GPC6: variants seen among roughly 807,000 people sequenced by gnomAD.
GPC6 encodes glypican 6, also known as glypican-6.
GPC6 carries 14 observed loss-of-function variants against 55.2 expected under a neutral mutation model. The ratio of observed to expected loss-of-function variants is 0.25; its 90% CI spans 0.17 to 0.40. The LOEUF (loss-of-function observed/expected upper bound fraction) is 0.40. Ranked by LOEUF, GPC6 falls within the 10% of genes least tolerant of loss-of-function variation. The probability of loss-of-function intolerance (pLI) is 1.00; values close to 1 mark genes in which losing one functional copy is unlikely to be tolerated. For synonymous variants in GPC6, 278 were observed against 259.6 expected, an observed-to-expected ratio of 1.07 and a Z score of -0.68; for missense variants, 641 against 708.5, an observed-to-expected ratio of 0.90 and a Z score of 1.08.
intron 2 of GPC6, among the ~76,000 whole-genome samples, chr13:93,752,972 C>T (rs16949187): frequency 1.3e-5 from 2 of 152,172 alleles, no homozygotes; most frequent in African/African-American, 2.4e-5. Flanking sequence ...TCCTTTCTTT[C>T]ATTCTCAGTC....
chr13:93,985,715 T>TAAAAAAAAAAAAAAAAAA (rs1157375754), intron 3 of GPC6, among the ~76,000 whole-genome samples: 1 of 126,240 alleles, frequency 7.9e-6, no homozygotes. Flanking sequence ...AAAAAAAAAT[T>TAAAAAAAAAAAAAAAAAA]AAAAAACGGA....
chr13:93,463,993 A>G (rs1035221364), intron 1 of GPC6, among the ~76,000 whole-genome samples: 1 of 143,662 alleles, frequency 7.0e-6, no homozygotes, highest in African/African-American at 2.5e-5. Context: ...CAAAATAATT[A>G]AGTCACACAA....
intron 4 of GPC6, among the ~76,000 whole-genome samples, chr13:94,255,588 T>A (rs1162771204): frequency 6.6e-6 from 1 of 152,130 alleles, no homozygotes; most frequent in Non-Finnish European, 1.5e-5. Context: ...TTTTTCTATC[T>A]AAGGGACATG....
intron 2 of GPC6, 145 bp downstream of exon 2, chr13:93,545,566 A>C: frequency 2.6e-6 from 2 of 755,932 alleles, no homozygotes; most frequent in South Asian, 3.2e-5. Context: ...TAGAAAAAGC[A>C]TGAGTTTTCT....
intron 1 of GPC6, among the ~76,000 whole-genome samples, chr13:93,346,284 G>C (rs1491002552): frequency 1.3e-5 from 2 of 152,168 alleles, no homozygotes; most frequent in Non-Finnish European, 2.9e-5. Context: ...TAGGCAAGTA[G>C]TGCAGTAAAG....
chr13:93,792,314 G>A (rs1402801492), intron 2 of GPC6, among the ~76,000 whole-genome samples: 2 of 152,046 alleles, frequency 1.3e-5, no homozygotes, highest in African/African-American at 4.8e-5. Flanking sequence ...GGTCTATAGG[G>A]TTTTTTTCTT....
At chr13:93,918,288 A>C (rs1877393785) in intron 3 of GPC6, among the ~76,000 whole-genome samples, 1 of 152,138 alleles carries the variant, frequency 6.6e-6, no homozygotes, top group Admixed American at 6.5e-5. Context: ...TAAAGGACTT[A>C]AGATTACCCT....
At chr13:93,917,745 A>G (rs1217161602) in intron 3 of GPC6, among the ~76,000 whole-genome samples, 1 of 152,174 alleles carries the variant, frequency 6.6e-6, no homozygotes, top group Non-Finnish European at 1.5e-5. Context: ...CCACATGAGA[A>G]CCCTGGGACA....
At chr13:93,943,052 T>C (rs11619935) in intron 3 of GPC6, among the ~76,000 whole-genome samples, 55,334 of 151,888 alleles carry the variant, frequency 0.36, 10,271 homozygotes, top group Middle Eastern at 0.49. Context: ...CATAAGGCTC[T>C]GCTGCAGGCT....
At chr13:93,474,292 T>C (rs953938370) in intron 1 of GPC6, among the ~76,000 whole-genome samples, 6 of 152,264 alleles carry the variant, frequency 3.9e-5, no homozygotes, top group African/African-American at 1.4e-4. Flanking sequence ...GTAGACTATA[T>C]ATGGATTCAC....
chr13:93,436,715 A>G (rs1877585110), intron 1 of GPC6, among the ~76,000 whole-genome samples: 1 of 152,174 alleles, frequency 6.6e-6, no homozygotes, highest in South Asian at 2.1e-4. Flanking sequence ...CTTGCTGCCC[A>G]CTAATATGAT....
intron 7 of GPC6, among the ~76,000 whole-genome samples, chr13:94,392,740 CG>C (rs1880711488): frequency 6.9e-5 from 1 of 14,472 alleles, no homozygotes; most frequent in Non-Finnish European, 1.3e-4. Flanking sequence ...AGGCTGGTCT[CG>C]AACTCTCGAC....
At chr13:93,475,736 A>G (rs1276293322) in intron 1 of GPC6, among the ~76,000 whole-genome samples, 1 of 152,342 alleles carries the variant, frequency 6.6e-6, no homozygotes, top group East Asian at 1.9e-4. Context: ...AACGCCAGAA[A>G]TGCTTTTAAC....
At chr13:93,385,985 C>T (rs1347501802) in intron 1 of GPC6, among the ~76,000 whole-genome samples, 2 of 151,412 alleles carry the variant, frequency 1.3e-5, no homozygotes, top group African/African-American at 4.9e-5. Flanking sequence ...AATGAAGGGT[C>T]CAATGGCATT....
At chr13:94,070,183 G>GA (rs1259585148) in intron 4 of GPC6, among the ~76,000 whole-genome samples, 4 of 152,218 alleles carry the variant, frequency 2.6e-5, no homozygotes, top group Admixed American at 6.5e-5. Context: ...GGCAAAGAGA[G>GA]AGAGAGCTTG....
At chr13:94,128,412 T>C (rs2138862484) in intron 4 of GPC6, among the ~76,000 whole-genome samples, 1 of 152,260 alleles carries the variant, frequency 6.6e-6, no homozygotes, top group African/African-American at 2.4e-5. Context: ...ATAGACAACT[T>C]CAAAATCTCA....
intron 2 of GPC6, among the ~76,000 whole-genome samples, chr13:93,679,641 A>G (rs1881775148): frequency 6.6e-6 from 1 of 152,062 alleles, no homozygotes; most frequent in African/African-American, 2.4e-5. Context: ...TTCATCACAA[A>G]CAGTGTATCT....
chr13:93,727,355 G>C (rs560197736), intron 2 of GPC6, among the ~76,000 whole-genome samples: 18 of 152,090 alleles, frequency 1.2e-4, no homozygotes, highest in African/African-American at 3.1e-4. Context: ...TTCTTCTATA[G>C]ATTTGATTAC....
At chr13:94,177,203 C>T (rs1888805648) in intron 4 of GPC6, among the ~76,000 whole-genome samples, 1 of 152,066 alleles carries the variant, frequency 6.6e-6, no homozygotes, top group Non-Finnish European at 1.5e-5. Flanking sequence ...CAAATTTCAA[C>T]ATGTAAGAGA....
Sources: gnomAD v4.1 joint callset for allele counts (sites outside exome capture counted in the v4.1 genomes callset) on GRCh38, gnomAD v4.1.1 for gene constraint, MANE v1.5 for transcripts, NCBI Gene and HGNC (gene_info 2026-07-23, HGNC 2026-07-21) for gene names.